PPP3CA: variants seen among roughly 807,000 people sequenced by gnomAD.
PPP3CA encodes protein phosphatase 3 catalytic subunit alpha.
In PPP3CA, 14 loss-of-function variants were observed where a neutral mutation model predicts 66.5. That is an observed-to-expected ratio of 0.21 (90% confidence interval 0.14 to 0.33). The LOEUF (loss-of-function observed/expected upper bound fraction) is 0.33. PPP3CA is among the 10% of genes least tolerant of loss of function. The pLI is 1.00. For synonymous variants in PPP3CA, 232 were observed against 226.2 expected, an observed-to-expected ratio of 1.03 and a Z score of -0.23; for missense variants, 317 against 639.5, an observed-to-expected ratio of 0.50 and a Z score of 5.44.
intron 1 of PPP3CA, among the ~76,000 whole-genome samples, chr4:101,247,040 C>G (rs1726504206): frequency 6.6e-6 from 1 of 152,134 alleles, no homozygotes; most frequent in African/African-American, 2.4e-5. Context: ...AGTTTGCATT[C>G]AAATGCAAAT....
chr4:101,099,755 A>G, intron 3 of PPP3CA, 33 bp from the exon 4 acceptor site: 2 of 1,201,674 alleles, frequency 1.7e-6, no homozygotes, highest in Non-Finnish European at 2.3e-6. Flanking sequence ...AAAAATAAAT[A>G]TTTTTCCTTA....
At chr4:101,244,822 C>T (rs1191655791) in intron 1 of PPP3CA, among the ~76,000 whole-genome samples, 1 of 152,176 alleles carries the variant, frequency 6.6e-6, no homozygotes, top group Admixed American at 6.5e-5. Flanking sequence ...ACAGTCAGAG[C>T]TCTCTGTTCT....
At chr4:101,068,760 A>T (rs561005535) in intron 8 of PPP3CA, among the ~76,000 whole-genome samples, 1 of 152,122 alleles carries the variant, frequency 6.6e-6, no homozygotes, top group Non-Finnish European at 1.5e-5. Flanking sequence ...GATTATTTTA[A>T]TATTATTAAT....
chr4:101,125,229 C>T (rs890927687), intron 2 of PPP3CA, among the ~76,000 whole-genome samples: 1 of 152,148 alleles, frequency 6.6e-6, no homozygotes, highest in Non-Finnish European at 1.5e-5. Flanking sequence ...AAATGCAGTA[C>T]AATATAAACA....
chr4:101,250,432 G>A (rs1726638006), intron 1 of PPP3CA: 1 of 446,458 alleles, frequency 2.2e-6, no homozygotes, highest in Admixed American at 2.4e-5. Flanking sequence ...ATATTTAATA[G>A]ATTATTGTTA....
chr4:101,196,040 G>T lies in PPP3CA; in HGVS notation c.135C>A (p.Ile45=). 1.2e-6 allele frequency: 2 copies of T among 1,613,898 alleles called. No individual in the cohort carries two copies. Among genetic ancestry groups the T allele is most frequent in the Non-Finnish European group, 1.7e-6 (2 of 1,179,964 alleles). ...FDNDGKPRVD[I]LKAHLMKEGR... is the part of the protein sequence containing the mutation. The stretch of plus-strand genomic sequence containing the variant: ...CCTCCTTCATAAGATGCGCCTTTAA[G>T]ATATCCACACGAGGTTTTCCATCAT... The change falls in exon 2 of 14, where the codon ATC becomes ATA. Residue 45 remains isoleucine (I), a synonymous_variant. Coordinates refer to ENST00000394854, the MANE Select transcript of PPP3CA (RefSeq NM_000944.5).
chr4:101,298,423 TTTCA>T (rs1313935887), intron 1 of PPP3CA, among the ~76,000 whole-genome samples: 1 of 151,826 alleles, frequency 6.6e-6, no homozygotes, highest in East Asian at 1.9e-4. Flanking sequence ...CATGAATTTT[TTTCA>T]TTAAGTTATA....
At chr4:101,144,283 G>C (rs567337244) in intron 2 of PPP3CA, among the ~76,000 whole-genome samples, 1 of 152,136 alleles carries the variant, frequency 6.6e-6, no homozygotes, top group Non-Finnish European at 1.5e-5. Flanking sequence ...TGGAATATAC[G>C]TATATACTAA....
intron 1 of PPP3CA, among the ~76,000 whole-genome samples, chr4:101,308,198 A>G (rs571596904): frequency 6.6e-5 from 10 of 152,360 alleles, no homozygotes; most frequent in African/African-American, 2.4e-4. Context: ...AAACTTATTT[A>G]TCAAGATTTT....
intron 1 of PPP3CA, among the ~76,000 whole-genome samples, chr4:101,334,342 C>T (rs1729558683): frequency 6.6e-6 from 1 of 152,002 alleles, no homozygotes; most frequent in Non-Finnish European, 1.5e-5. Context: ...GCCATGTTGG[C>T]CAGGCTGGTC....
At chr4:101,102,266 A>AAGGG (rs1177091874) in intron 3 of PPP3CA, among the ~76,000 whole-genome samples, 9 of 146,886 alleles carry the variant, frequency 6.1e-5, no homozygotes, top group Non-Finnish European at 7.5e-5. Context: ...GGAAGGAAGG[A>AAGGG]AGGGAGGGAG....
chr4:101,093,691 A>T lies in PPP3CA; in HGVS notation c.782+85T>A, dbSNP rs147976679. The T allele has an allele frequency of 7.0e-4, 915 of 1,313,346 alleles. 6 individuals are homozygous for T. The African/African-American group carries it at 0.012, about 18-fold the overall frequency. 81.4% of individuals were successfully genotyped at this position (1,313,346 alleles called of 1,614,324 possible). On this transcript the variant is annotated intron_variant, in intron 6 of 13. Transcript: ENST00000394854. ...TTTATATTAAAGAAGTAATACAAAC[A>T]TTATAAATAAATCAAACACATGGAC...
chr4:101,236,312 C>A (rs1237407133), intron 1 of PPP3CA, among the ~76,000 whole-genome samples: 2 of 151,856 alleles, frequency 1.3e-5, no homozygotes, highest in Non-Finnish European at 2.9e-5. Flanking sequence ...CAGAAGAAAG[C>A]ACATTCTAGG....
At chr4:101,343,601 T>C (rs1243031220) in intron 1 of PPP3CA, among the ~76,000 whole-genome samples, 1 of 152,234 alleles carries the variant, frequency 6.6e-6, no homozygotes. Context: ...CTACTTTCCA[T>C]TGTTTTAATC....
At chr4:101,082,252 C>T (rs886860360) in intron 7 of PPP3CA, among the ~76,000 whole-genome samples, 4 of 152,174 alleles carry the variant, frequency 2.6e-5, no homozygotes, top group Admixed American at 1.3e-4. Context: ...ACACTGGATC[C>T]GTTCACACCT....
intron 3 of PPP3CA, among the ~76,000 whole-genome samples, chr4:101,106,458 A>AGAAAGAAAGAAG (rs1560605216): frequency 0.02 from 642 of 32,690 alleles, 144 homozygotes; most frequent in Admixed American, 0.041. Flanking sequence ...AGAAAGAGAA[A>AGAAAGAAAGAAG]AGAAAAGAAA....
chr4:101,029,226 T>C (rs1412137135), intron 12 of PPP3CA, 31 bp from the exon 13 acceptor site: 1 of 1,580,552 alleles, frequency 6.3e-7, no homozygotes. Flanking sequence ...GCAAAATGAA[T>C]GAGAAAAATG....
At chr4:101,219,969 A>T (rs1725572374) in intron 1 of PPP3CA, among the ~76,000 whole-genome samples, 1 of 151,802 alleles carries the variant, frequency 6.6e-6, no homozygotes, top group South Asian at 2.1e-4. Context: ...TTTTCCATGA[A>T]GTTAAGTACT....
intron 1 of PPP3CA, among the ~76,000 whole-genome samples, chr4:101,333,116 T>A (rs562251689): frequency 6.1e-5 from 9 of 148,188 alleles, no homozygotes; most frequent in Non-Finnish European, 1.2e-4. Context: ...TTTTTTTTTT[T>A]TTTTTTGAGG....
Sources: gnomAD v4.1 joint callset for allele counts (sites outside exome capture counted in the v4.1 genomes callset) on GRCh38, gnomAD v4.1.1 for gene constraint, MANE v1.5 for transcripts, NCBI Gene and HGNC (gene_info 2026-07-23, HGNC 2026-07-21) for gene names.